The following GRID1 variants were observed in gnomAD, a reference collection of about 807,000 sequenced individuals.
GRID1 encodes the protein glutamate receptor ionotropic, delta-1.
GRID1 carries 28 observed loss-of-function variants against 98.0 expected under a neutral mutation model. The ratio of observed to expected loss-of-function variants is 0.29; its 90% CI spans 0.21 to 0.39. The LOEUF (loss-of-function observed/expected upper bound fraction) is 0.39, where lower values mean the gene tolerates loss of function less well. GRID1 is among the 10% of genes least tolerant of loss of function. GRID1 has a pLI of 1.00. For missense variants in GRID1, 1,111 were observed against 1,340.5 expected, an observed-to-expected ratio of 0.83 and a Z score of 2.67; for synonymous variants, 553 against 538.5, an observed-to-expected ratio of 1.03 and a Z score of -0.37.
At chr10:86,086,448 C>T (rs1844057795) in intron 4 of GRID1, among the ~76,000 whole-genome samples, 1 of 152,232 alleles carries the variant, frequency 6.6e-6, no homozygotes, top group African/African-American at 2.4e-5. Flanking sequence ...ATAGGAACGA[C>T]TGTTCCCACC....
Position 86,308,082 on chromosome 10 carries a change from T to C in GRID1, c.235+55859A>G, listed in dbSNP as rs949782089. ...CCCCTCCCCCAAGGACCACCATTCT[T>C]CATCCCCACTCCTGGCTTCCACCTC... On this transcript the variant is annotated intron_variant, in intron 2 of 15. Transcript: ENST00000327946. Among the ~76,000 whole-genome samples, 5 of 152,144 alleles carry C rather than the reference T, an allele frequency of 3.3e-5. No homozygotes were observed. The East Asian group carries it at 9.7e-4, about 29-fold the overall frequency.
At chr10:85,650,862 A>T (rs956482266) in intron 12 of GRID1, among the ~76,000 whole-genome samples, 12 of 152,212 alleles carry the variant, frequency 7.9e-5, no homozygotes, top group African/African-American at 2.9e-4. Flanking sequence ...TCAGCCAAAA[A>T]TATGTAGGTG....
intron 12 of GRID1, among the ~76,000 whole-genome samples, chr10:85,659,982 C>T (rs1049786148): frequency 1.3e-5 from 2 of 152,192 alleles, no homozygotes; most frequent in Non-Finnish European, 2.9e-5. Context: ...GCTATCTTCC[C>T]AAACCAGCTC....
intron 8 of GRID1, among the ~76,000 whole-genome samples, chr10:85,803,197 A>G (rs1202031941): frequency 1.3e-5 from 2 of 151,412 alleles, no homozygotes; most frequent in Admixed American, 1.3e-4. Flanking sequence ...GACAATAATA[A>G]CTTAACTGTA....
chr10:86,335,141 G>A (rs910180472), intron 2 of GRID1, among the ~76,000 whole-genome samples: 1 of 152,208 alleles, frequency 6.6e-6, no homozygotes, highest in Non-Finnish European at 1.5e-5. Context: ...ATTAAAACCA[G>A]AGTGTTAGCT....
intron 12 of GRID1, among the ~76,000 whole-genome samples, chr10:85,665,878 T>G (rs1207294051): frequency 6.6e-6 from 1 of 151,888 alleles, no homozygotes; most frequent in African/African-American, 2.4e-5. Flanking sequence ...AATATGCATC[T>G]CCAAGCTGTC....
chr10:85,991,977 A>G (rs535371059), intron 4 of GRID1, among the ~76,000 whole-genome samples: 31 of 152,188 alleles, frequency 2.0e-4, no homozygotes, highest in Non-Finnish European at 4.3e-4. Context: ...TGTGGAAAAG[A>G]AAAGGCAAAA....
chr10:85,926,646 C>T (rs1293803507), intron 4 of GRID1, among the ~76,000 whole-genome samples: 1 of 152,152 alleles, frequency 6.6e-6, no homozygotes, highest in Non-Finnish European at 1.5e-5. Flanking sequence ...CCAACGCCCA[C>T]CCCATTGCCA....
intron 4 of GRID1, among the ~76,000 whole-genome samples, chr10:86,082,546 A>C (rs1044520210): frequency 2.0e-5 from 3 of 152,104 alleles, no homozygotes; most frequent in African/African-American, 7.2e-5. Context: ...TCAGACTCCA[A>C]CCCATCCCCA....
At chr10:85,802,395 A>C (rs1418693148) in intron 8 of GRID1, among the ~76,000 whole-genome samples, 2 of 152,098 alleles carry the variant, frequency 1.3e-5, no homozygotes, top group Non-Finnish European at 2.9e-5. Flanking sequence ...TCACAATAAA[A>C]TAGAGAACCC....
At position 85,671,385 on chromosome 10, in the gene GRID1, C is replaced by CTAT. The variant is rs1180052079; in HGVS notation, c.1998-23991_1998-23989dup. 2.6e-5 allele frequency among the ~76,000 whole-genome samples: 4 copies of CTAT among 152,028 alleles called. No individual in the cohort carries two copies. In the South Asian group the frequency reaches 8.3e-4, roughly 32 times the overall value. On this transcript the variant is annotated intron_variant, in intron 12 of 15. Transcript: ENST00000327946. ...ATATTTCAAACTTTTAAAATTATTA[C>CTAT]TATTATTATTATTATATCTGTTACA... is the stretch of plus-strand genomic sequence containing the variant.
At chr10:85,914,133 G>C (rs1589296893) in intron 5 of GRID1, among the ~76,000 whole-genome samples, 1 of 152,296 alleles carries the variant, frequency 6.6e-6, no homozygotes, top group East Asian at 1.9e-4. Context: ...ATGCCCTAGG[G>C]GCACCGCACA....
intron 13 of GRID1, among the ~76,000 whole-genome samples, chr10:85,625,277 C>T (rs927277342): frequency 1.3e-5 from 2 of 152,202 alleles, no homozygotes; most frequent in Non-Finnish European, 2.9e-5. Flanking sequence ...GCCCCTGGCT[C>T]CACTGGAGCA....
chr10:85,599,802 A>AAAAAAAAAAAAAAAAAAAATATATAT lies in GRID1; in HGVS notation c.*2470_*2471insATATATATTTTTTTTTTTTTTTTTTT. 1.5e-5 allele frequency: 1 copy of AAAAAAAAAAAAAAAAAAAATATATAT among 64,980 alleles called. No individual in the cohort carries two copies. Among genetic ancestry groups the AAAAAAAAAAAAAAAAAAAATATATAT allele is most frequent in the African/African-American group, 9.3e-5 (1 of 10,728 alleles). 4.0% of individuals were successfully genotyped at this position (64,980 alleles called of 1,614,324 possible). On this transcript the variant is annotated 3_prime_UTR_variant, in exon 16 of 16. Transcript: ENST00000327946. ...GTAGAAAATTCTAAAAAAAAAAAAA[A>AAAAAAAAAAAAAAAAAAAATATATAT]ATATATATATATATATATAAACATG...
intron 12 of GRID1, among the ~76,000 whole-genome samples, chr10:85,658,732 G>GTGAGGC (rs148323673): frequency 6.6e-6 from 1 of 152,116 alleles, no homozygotes; most frequent in South Asian, 2.1e-4. Context: ...CATGGGAAGG[G>GTGAGGC]TGAGGCTGAG....
intron 8 of GRID1, among the ~76,000 whole-genome samples, chr10:85,793,551 G>T (rs1431315431): frequency 6.6e-6 from 1 of 152,168 alleles, no homozygotes; most frequent in Non-Finnish European, 1.5e-5. Context: ...TTCTGCCCTT[G>T]GACCAACAGC....
intron 2 of GRID1, among the ~76,000 whole-genome samples, chr10:86,323,732 C>T (rs1304352853): frequency 6.6e-6 from 1 of 152,120 alleles, no homozygotes; most frequent in Non-Finnish European, 1.5e-5. Context: ...AATGGTTGCA[C>T]AACATCGGAA....
intron 4 of GRID1, among the ~76,000 whole-genome samples, chr10:86,082,828 T>C (rs543345397): frequency 6.6e-6 from 1 of 152,322 alleles, no homozygotes; most frequent in East Asian, 1.9e-4. Context: ...TCCTGCCCCC[T>C]TTCTTTGCTT....
chr10:85,838,827 T>C (rs1169472325), intron 8 of GRID1, among the ~76,000 whole-genome samples: 1 of 152,102 alleles, frequency 6.6e-6, no homozygotes, highest in Non-Finnish European at 1.5e-5. Context: ...ATGATCTAAA[T>C]GCCCACAATT....
Sources: allele counts gnomAD v4.1 joint callset (sites outside exome capture counted in the v4.1 genomes callset), GRCh38; gene constraint gnomAD v4.1.1; transcripts MANE v1.5; gene names NCBI Gene and HGNC (gene_info 2026-07-23, HGNC 2026-07-21).